CSPP1: variants seen among roughly 807,000 people sequenced by gnomAD.
CSPP1 encodes the protein centrosome and spindle pole-associated protein 1.
Under a neutral mutation model 164.4 loss-of-function variants are expected in CSPP1, and 126 were observed. That is an observed-to-expected ratio of 0.77 (90% CI 0.66 to 0.89). CSPP1 has a LOEUF of 0.89. Ranked by LOEUF, CSPP1 falls within the 40% of genes least tolerant of loss-of-function variation. The probability of loss-of-function intolerance (pLI) is 0.00; values close to 1 mark genes in which losing one functional copy is unlikely to be tolerated. For synonymous variants in CSPP1, 472 were observed against 476.7 expected, an observed-to-expected ratio of 0.99 and a Z score of 0.13; for missense variants, 1,395 against 1,449.8, an observed-to-expected ratio of 0.96 and a Z score of 0.61.
intron 26 of CSPP1, among the ~76,000 whole-genome samples, chr8:67,176,038 A>AT (rs1408237891): frequency 6.6e-6 from 1 of 151,416 alleles, no homozygotes; most frequent in Non-Finnish European, 1.5e-5. Context: ...CTAAAGAAGT[A>AT]CAACTGTGAT....
intron 5 of CSPP1, among the ~76,000 whole-genome samples, chr8:67,092,154 A>AT (rs1811747511): frequency 6.6e-6 from 1 of 152,076 alleles, no homozygotes; most frequent in African/African-American, 2.4e-5. Context: ...TTCAGAATTC[A>AT]TTTTTTTCAG....
chr8:67,190,800 A>AT, intron 29 of CSPP1, 41 bp downstream of exon 29: 1 of 1,424,512 alleles, frequency 7.0e-7, no homozygotes, highest in Non-Finnish European at 9.9e-7. Context: ...ACTTAGAAGA[A>AT]TGAGAGGTCT....
Position 67,105,970 on chromosome 8 carries a change from T to C in CSPP1, c.1088T>C (p.Leu363Pro), listed in dbSNP as rs1255870278. 1 of 1,569,512 alleles carries C rather than the reference T, an allele frequency of 6.4e-7. No individual in the cohort carries two copies. Among genetic ancestry groups the C allele is most frequent in the Non-Finnish European group, 8.8e-7 (1 of 1,139,574 alleles). The part of the protein sequence containing the change: ...QDTCSPFAGM[L>P]FGGEDRELIQ... ...ACCTGTAGTCCTTTTGCAGGGATGC[T>C]CTTTGGTAGGCACAAAACTTCCAAC... is the stretch of plus-strand genomic sequence containing the variant. Residue 363 changes from leucine to proline, a missense_variant, in exon 9 of 31, where the codon CTC (leucine) becomes CCC (proline). Physicochemically the swap from Leu to Pro is moderately conservative, Grantham distance 98. Transcript: ENST00000678616.
chr8:67,101,790 C>G (rs1045846651), intron 7 of CSPP1, among the ~76,000 whole-genome samples: 4 of 152,042 alleles, frequency 2.6e-5, no homozygotes, highest in South Asian at 2.1e-4. Context: ...GGAAAATTGC[C>G]ATTTTTCTTA....
At chr8:67,078,862 A>G (rs1808519739) in intron 3 of CSPP1, among the ~76,000 whole-genome samples, 2 of 152,034 alleles carry the variant, frequency 1.3e-5, no homozygotes, top group Admixed American at 6.5e-5. Flanking sequence ...AATCCTAGCT[A>G]CTTGGGAGGC....
At chr8:67,115,506 C>T (rs1817745763) in intron 12 of CSPP1, among the ~76,000 whole-genome samples, 2 of 152,126 alleles carry the variant, frequency 1.3e-5, no homozygotes. Context: ...GTGGCGAAAC[C>T]CCCTTCTCTA....
intron 26 of CSPP1, among the ~76,000 whole-genome samples, chr8:67,175,743 T>C (rs1429520302): frequency 6.6e-6 from 1 of 152,200 alleles, no homozygotes; most frequent in Non-Finnish European, 1.5e-5. Context: ...GGAAGGAGTG[T>C]CAGGCAGACA....
At chr8:67,183,995 G>C (rs1339474539) in intron 28 of CSPP1, among the ~76,000 whole-genome samples, 1 of 152,016 alleles carries the variant, frequency 6.6e-6, no homozygotes, top group Non-Finnish European at 1.5e-5. Flanking sequence ...TGGGATTACA[G>C]GCGCCTGCCA....
At chr8:67,067,517 G>T (rs1364238068) in intron 1 of CSPP1, among the ~76,000 whole-genome samples, 7 of 152,104 alleles carry the variant, frequency 4.6e-5, no homozygotes, top group Non-Finnish European at 7.4e-5. Context: ...AGGCTGGAGT[G>T]CAGTGGCACG....
chr8:67,072,309 T>A (rs1280428089), intron 1 of CSPP1, among the ~76,000 whole-genome samples: 1 of 151,882 alleles, frequency 6.6e-6, no homozygotes, highest in African/African-American at 2.4e-5. Flanking sequence ...AGATTTTTTT[T>A]AGATAGGACA....
At chr8:67,153,947 C>A in intron 18 of CSPP1, 77 bp from the exon 19 acceptor site, 1 of 618,778 alleles carries the variant, frequency 1.6e-6, no homozygotes, top group Non-Finnish European at 2.9e-6. Flanking sequence ...AATTTATTAG[C>A]AAACTGTTCA....
chr8:67,158,385 AT>A, intron 19 of CSPP1, 61 bp from the exon 20 acceptor site: 1 of 1,452,192 alleles, frequency 6.9e-7, no homozygotes, highest in Non-Finnish European at 9.2e-7. Context: ...CAGGAAAAAA[AT>A]AAGTGATATT....
At chr8:67,140,110 A>C (rs1268855639) in intron 17 of CSPP1, among the ~76,000 whole-genome samples, 1 of 151,994 alleles carries the variant, frequency 6.6e-6, no homozygotes, top group Non-Finnish European at 1.5e-5. Context: ...TTCGAGACAG[A>C]GTTTCACTCT....
At position 67,158,541 on chromosome 8, in the gene CSPP1, G is replaced by A. The variant is rs780070875; in HGVS notation, c.2336G>A (p.Arg779Gln). The A allele has an allele frequency of 3.4e-5, 55 of 1,611,878 alleles. No homozygotes were observed. The highest frequency in any genetic ancestry group is 4.5e-5 in the East Asian group (2 of 44,806). ...EERRLAEQRARIQQEYEEEQE... is the reference protein window; with the variant it reads ...EERRLAEQRAQIQQEYEEEQE... ...AGACGGCTTGCAGAACAGAGGGCACGAATTCAGCAGGAGTATGAAGAGGAA... is the reference window on the plus strand; with the variant it reads ...AGACGGCTTGCAGAACAGAGGGCACAAATTCAGCAGGAGTATGAAGAGGAA... The change falls in exon 20 of 31, where the codon CGA becomes CAA. Residue 779 changes from arginine (R) to glutamine (Q), a missense_variant. Transcript: ENST00000678616.
intron 28 of CSPP1, among the ~76,000 whole-genome samples, chr8:67,186,298 TTTGC>T (rs1190262230): frequency 6.6e-6 from 1 of 152,152 alleles, no homozygotes; most frequent in Admixed American, 6.5e-5. Flanking sequence ...AACTCCACCC[TTTGC>T]TTGGTTTTAA....
In CSPP1 at chr8:67,195,055, A is replaced by C. The variant is rs536595185; in HGVS notation, c.3470-327A>C. On this transcript the variant is annotated intron_variant, in intron 30 of 30. Coordinates refer to ENST00000678616, the MANE Select transcript of CSPP1 (RefSeq NM_001382391.1). ...CCTGAGGTAACAGTTACAAAATAAGACTACCTACATTCCTCCTGTTGACTT... is the reference window on the plus strand; with the variant it reads ...CCTGAGGTAACAGTTACAAAATAAGCCTACCTACATTCCTCCTGTTGACTT... Among the ~76,000 whole-genome samples the C allele has an allele frequency of 7.2e-5, 11 of 152,342 alleles. No homozygotes were observed. In the East Asian group the frequency reaches 2.1e-3, roughly 29 times the overall value.
chr8:67,131,627 G>GTTA (rs1821251276), intron 15 of CSPP1, among the ~76,000 whole-genome samples: 1 of 152,154 alleles, frequency 6.6e-6, no homozygotes, highest in South Asian at 2.1e-4. Context: ...CTTTGGCTGT[G>GTTA]TTATTATTTC....
At chr8:67,149,678 G>C in intron 17 of CSPP1, 105 bp from the exon 18 acceptor site, 1 of 717,026 alleles carries the variant, frequency 1.4e-6, no homozygotes, top group East Asian at 3.0e-5. Flanking sequence ...TCCCAACTTT[G>C]TCCTATTGTT....
intron 27 of CSPP1, among the ~76,000 whole-genome samples, chr8:67,178,490 G>A (rs2129570036): frequency 6.6e-6 from 1 of 152,332 alleles, no homozygotes; most frequent in African/African-American, 2.4e-5. Flanking sequence ...ATTCCAGAAG[G>A]AGGGAGAGAC....
Sources: gnomAD v4.1 joint callset for allele counts (sites outside exome capture counted in the v4.1 genomes callset) on GRCh38, gnomAD v4.1.1 for gene constraint, MANE v1.5 for transcripts, NCBI Gene and HGNC (gene_info 2026-07-23, HGNC 2026-07-21) for gene names.